Variants in HDAC9 observed in about 807,000 individuals in gnomAD.
HDAC9 encodes the protein histone deacetylase 9.
HDAC9 carries 41 observed loss-of-function variants against 139.4 expected under a neutral mutation model. The ratio of observed to expected loss-of-function variants is 0.29; its 90% CI spans 0.23 to 0.38. The LOEUF (loss-of-function observed/expected upper bound fraction) is 0.38. Ranked by LOEUF, HDAC9 falls within the 10% of genes least tolerant of loss-of-function variation. HDAC9 has a pLI of 1.00. For missense variants in HDAC9, 1,147 were observed against 1,297.0 expected (o/e 0.88, Z 1.78); for synonymous variants, 517 against 476.2 (o/e 1.09, Z -1.12).
At chr7:18,435,945 T>TA (rs1791160532) in intron 1 of HDAC9, among the ~76,000 whole-genome samples, 1 of 148,138 alleles carries the variant, frequency 6.8e-6, no homozygotes, top group Non-Finnish European at 1.5e-5. Flanking sequence ...ACTGGAAAAT[T>TA]TATATATATA....
chr7:18,285,573 A>G (rs1797382505), upstream of HDAC9, among the ~76,000 whole-genome samples: 1 of 152,052 alleles, frequency 6.6e-6, no homozygotes, highest in Non-Finnish European at 1.5e-5. Context: ...AAGGTGTACC[A>G]ATTTACACTC....
intron 22 of HDAC9, among the ~76,000 whole-genome samples, chr7:18,887,242 T>G (rs2129264328): frequency 6.6e-6 from 1 of 152,324 alleles, no homozygotes; most frequent in South Asian, 2.1e-4. Context: ...GCATGCTGGG[T>G]TCCGCTTCCA....
At chr7:18,164,061 C>T (rs979840831) in intron 2 of HDAC9, among the ~76,000 whole-genome samples, 4 of 152,134 alleles carry the variant, frequency 2.6e-5, no homozygotes, top group Non-Finnish European at 1.5e-5. Flanking sequence ...TTAGGGTCAC[C>T]AAAATTTCCT....
chr7:18,994,677 T>C (rs1291554917), intron 25 of HDAC9, among the ~76,000 whole-genome samples: 1 of 152,218 alleles, frequency 6.6e-6, no homozygotes, highest in East Asian at 1.9e-4. Context: ...TCTTTTAATG[T>C]TTTAGATTTG....
At chr7:18,759,929 C>T (rs886625759) in intron 14 of HDAC9, among the ~76,000 whole-genome samples, 1 of 151,860 alleles carries the variant, frequency 6.6e-6, no homozygotes, top group African/African-American at 2.4e-5. Flanking sequence ...TAATGTTATA[C>T]CGGAAGTAAA....
intron 25 of HDAC9, among the ~76,000 whole-genome samples, chr7:18,990,028 T>A (rs1045101620): frequency 4.6e-4 from 70 of 152,124 alleles, no homozygotes; most frequent in Non-Finnish European, 1.3e-4. Flanking sequence ...AGTAATTTGA[T>A]CGTCTGAAGC....
intron 2 of HDAC9, among the ~76,000 whole-genome samples, chr7:18,228,218 C>A (rs547957983): frequency 3.8e-4 from 57 of 151,764 alleles, no homozygotes; most frequent in African/African-American, 1.3e-3. Flanking sequence ...CCAAGAATTA[C>A]TATTCTTATT....
At chr7:18,872,668 T>C (rs1022328308) in intron 21 of HDAC9, among the ~76,000 whole-genome samples, 1 of 152,184 alleles carries the variant, frequency 6.6e-6, no homozygotes. Flanking sequence ...GTTTTCAGTG[T>C]TCTAAAATTA....
At chr7:18,535,346 CTTA>C (rs1186970143) in intron 2 of HDAC9, among the ~76,000 whole-genome samples, 1 of 150,712 alleles carries the variant, frequency 6.6e-6, no homozygotes, top group African/African-American at 2.5e-5. Flanking sequence ...TGTTGATGTT[CTTA>C]TTATTATTTA....
chr7:18,724,884 T>C (rs1036446315), intron 12 of HDAC9, among the ~76,000 whole-genome samples: 15 of 152,038 alleles, frequency 9.9e-5, no homozygotes, highest in Admixed American at 6.6e-5. Context: ...TATAAAAGAC[T>C]ATGGCAGGGA....
chr7:18,205,526 A>G (rs983841109), intron 2 of HDAC9, among the ~76,000 whole-genome samples: 1 of 152,088 alleles, frequency 6.6e-6, no homozygotes, highest in African/African-American at 2.4e-5. Flanking sequence ...GGAGAGATGA[A>G]CAAAGCACTG....
At chr7:18,701,841 C>G (rs983540113) in intron 12 of HDAC9, among the ~76,000 whole-genome samples, 2 of 152,184 alleles carry the variant, frequency 1.3e-5, no homozygotes, top group Non-Finnish European at 2.9e-5. Context: ...GACTAAGGAT[C>G]TTCCATATTG....
intron 1 of HDAC9, among the ~76,000 whole-genome samples, chr7:18,374,060 G>T (rs115627124): frequency 6.6e-6 from 1 of 151,276 alleles, no homozygotes; most frequent in Non-Finnish European, 1.5e-5. Flanking sequence ...GTTCCCTCTC[G>T]GATGTGTTTC....
intron 2 of HDAC9, among the ~76,000 whole-genome samples, chr7:18,511,362 A>G (rs544413605): frequency 1.3e-5 from 2 of 152,266 alleles, no homozygotes; most frequent in Admixed American, 1.3e-4. Flanking sequence ...TTTCCAGCAC[A>G]TAGTTTCAAA....
At chr7:18,315,305 A>G (rs1471712379) in intron 1 of HDAC9, among the ~76,000 whole-genome samples, 1 of 152,184 alleles carries the variant, frequency 6.6e-6, no homozygotes, top group Admixed American at 6.5e-5. Context: ...AGTCCTTAAC[A>G]TCTCATGAGG....
At chr7:18,409,361 T>G (rs572349949) in intron 1 of HDAC9, among the ~76,000 whole-genome samples, 28 of 152,230 alleles carry the variant, frequency 1.8e-4, no homozygotes, top group Non-Finnish European at 2.9e-4. Context: ...TTTAATACTC[T>G]TTCACAGTAT....
chr7:18,653,560 T>C (rs904206663), intron 11 of HDAC9, among the ~76,000 whole-genome samples: 3 of 152,140 alleles, frequency 2.0e-5, no homozygotes, highest in African/African-American at 2.4e-5. Flanking sequence ...GATATAAGTA[T>C]TTATTATATA....
chr7:18,588,486 A>G (rs1012609512), intron 3 of HDAC9, among the ~76,000 whole-genome samples: 1 of 152,212 alleles, frequency 6.6e-6, no homozygotes, highest in Non-Finnish European at 1.5e-5. Context: ...TTATACACAT[A>G]GCCTGAAGGT....
At chr7:18,146,653 T>C (rs1454590120) in intron 1 of HDAC9, among the ~76,000 whole-genome samples, 1 of 152,238 alleles carries the variant, frequency 6.6e-6, no homozygotes, top group African/African-American at 2.4e-5. Context: ...TTGTGTCATA[T>C]ATTTAAGTTA....
Sources: allele counts gnomAD v4.1 joint callset (sites outside exome capture counted in the v4.1 genomes callset), GRCh38; gene constraint gnomAD v4.1.1; transcripts MANE v1.5; gene names NCBI Gene and HGNC (gene_info 2026-07-23, HGNC 2026-07-21).